The following ULK4 variants were observed in gnomAD, a reference collection of about 807,000 sequenced individuals.
The protein encoded by ULK4 is unc-51 like kinase 4.
In ULK4, 133 loss-of-function variants were observed where a neutral mutation model predicts 160.6. The observed-to-expected ratio is 0.83, with a 90% CI of 0.72 to 0.96. The LOEUF (loss-of-function observed/expected upper bound fraction) is 0.96. Ranked by LOEUF, ULK4 falls within the 40% of genes least tolerant of loss-of-function variation. The probability of loss-of-function intolerance (pLI) is 0.00; values close to 1 mark genes in which losing one functional copy is unlikely to be tolerated. For synonymous variants in ULK4, 534 were observed against 539.8 expected, an observed-to-expected ratio of 0.99 and a Z score of 0.15; for missense variants, 1,580 against 1,499.5, an observed-to-expected ratio of 1.05 and a Z score of -0.89.
intron 17 of ULK4, among the ~76,000 whole-genome samples, chr3:41,837,489 T>C (rs1397730964): frequency 1.3e-5 from 2 of 152,188 alleles, no homozygotes; most frequent in African/African-American, 4.8e-5. Flanking sequence ...GATCATACAC[T>C]ATATATTCTT....
intron 2 of ULK4, among the ~76,000 whole-genome samples, chr3:41,943,199 C>T (rs1322426926): frequency 1.4e-4 from 20 of 139,466 alleles, no homozygotes; most frequent in African/African-American, 4.8e-4. Context: ...GGCGACAGAG[C>T]GAGACTCCAT....
intron 35 of ULK4, among the ~76,000 whole-genome samples, chr3:41,296,699 G>A (rs187248886): frequency 1.3e-5 from 2 of 152,228 alleles, no homozygotes; most frequent in Admixed American, 1.3e-4. Flanking sequence ...AGGCAGAAGC[G>A]CTCTAAGATA....
Position 41,769,547 on chromosome 3 carries a change from C to T in ULK4, c.2194-15059G>A, listed in dbSNP as rs538145031. Among the ~76,000 whole-genome samples the T allele has an allele frequency of 1.5e-4, 23 of 152,244 alleles. No individual in the cohort carries two copies. In the East Asian group the frequency reaches 4.4e-3, roughly 29 times the overall value. ...GAAAAAGAGCAGAAGCCATTTAGTT[C>T]TATAACCCAAATCACAGCACAACAA... On this transcript the variant is annotated intron_variant, in intron 21 of 36. Coordinates refer to ENST00000301831, the MANE Select transcript of ULK4 (RefSeq NM_017886.4).
At chr3:41,554,940 C>G (rs1367045065) in intron 32 of ULK4, among the ~76,000 whole-genome samples, 1 of 151,912 alleles carries the variant, frequency 6.6e-6, no homozygotes, top group Admixed American at 6.6e-5. Context: ...AGAACATACA[C>G]CAAAACTGAA....
Position 41,347,164 on chromosome 3 carries a change from T to C in ULK4, c.3678+50915A>G, listed in dbSNP as rs547289419. Among the ~76,000 whole-genome samples, 97 of 152,356 alleles carry C rather than the reference T, an allele frequency of 6.4e-4. 2 individuals are homozygous for C. In the South Asian group the frequency reaches 0.019, roughly 30 times the overall value. On this transcript the variant is annotated intron_variant, in intron 35 of 36. Transcript: ENST00000301831. Reference sequence around the variant, plus strand: ...AATAAAAGTGCCGTCGCTGCAGCTCTAGCTGAGTTCAAAGGCGCATTGCAG... The same window carrying C: ...AATAAAAGTGCCGTCGCTGCAGCTCCAGCTGAGTTCAAAGGCGCATTGCAG...
chr3:41,952,414 T>C (rs1194483730), intron 2 of ULK4, among the ~76,000 whole-genome samples: 3 of 152,156 alleles, frequency 2.0e-5, no homozygotes, highest in Admixed American at 6.6e-5. Flanking sequence ...ACAAAAAGAA[T>C]AGACATTTCT....
chr3:41,579,244 T>C lies in ULK4; in HGVS notation c.3121-13114A>G, dbSNP rs183254945. Among the ~76,000 whole-genome samples the C allele has an allele frequency of 2.0e-5, 3 of 152,286 alleles. No individual in the cohort carries two copies. The East Asian group carries it at 5.8e-4, about 29-fold the overall frequency. On this transcript the variant is annotated intron_variant, in intron 31 of 36. Coordinates refer to ENST00000301831, the MANE Select transcript of ULK4 (RefSeq NM_017886.4). ...TATGTCGAAATGGCTTGATTAAATT[T>C]TCCTCATGAAAATGAAAGAGAAAAC...
rs77300916 is a variant in ULK4, at chr3:41,381,166, T to C, written c.3678+16913A>G. Among the ~76,000 whole-genome samples, 1,020 of 152,242 alleles carry C rather than the reference T, an allele frequency of 6.7e-3. 4 individuals carry two copies. The highest frequency in any genetic ancestry group is 0.015 in the East Asian group (79 of 5,182). On this transcript the variant is annotated intron_variant, in intron 35 of 36. Coordinates refer to ENST00000301831, the MANE Select transcript of ULK4 (RefSeq NM_017886.4). The stretch of plus-strand genomic sequence containing the variant: ...TGTCTTCAACACCACCTTTATCGAG[T>C]GCTTGGTCATTTCAAAGTCCATAGA...
intron 17 of ULK4, among the ~76,000 whole-genome samples, chr3:41,879,401 G>T (rs1697428059): frequency 6.6e-6 from 1 of 152,072 alleles, no homozygotes; most frequent in Non-Finnish European, 1.5e-5. Flanking sequence ...GACACAAGAT[G>T]AAACAAGATT....
intron 22 of ULK4, among the ~76,000 whole-genome samples, chr3:41,732,964 G>A (rs2037883196): frequency 6.6e-6 from 1 of 152,086 alleles, no homozygotes; most frequent in Non-Finnish European, 1.5e-5. Context: ...CTAAGGGCAG[G>A]GAGAGGGGGA....
intron 22 of ULK4, among the ~76,000 whole-genome samples, chr3:41,721,362 A>ATATATATTTT (rs1553639902): frequency 3.6e-5 from 1 of 27,934 alleles, no homozygotes; most frequent in Non-Finnish European, 5.7e-5. Context: ...ATATATATAT[A>ATATATATTTT]TTTTTTTTTT....
At chr3:41,796,669 G>A (rs1169753948) in intron 20 of ULK4, among the ~76,000 whole-genome samples, 1 of 151,970 alleles carries the variant, frequency 6.6e-6, no homozygotes, top group East Asian at 1.9e-4. Context: ...AATTCATGAG[G>A]TTTTTTCAAA....
chr3:41,453,012 T>C (rs1396990434), intron 34 of ULK4, among the ~76,000 whole-genome samples: 1 of 152,144 alleles, frequency 6.6e-6, no homozygotes, highest in Non-Finnish European at 1.5e-5. Context: ...TGAGCTCTCT[T>C]GTATTTTTAT....
At chr3:41,933,673 C>A (rs761687547) in intron 4 of ULK4, among the ~76,000 whole-genome samples, 1 of 151,576 alleles carries the variant, frequency 6.6e-6, no homozygotes, top group Non-Finnish European at 1.5e-5. Flanking sequence ...CTGCCTTGTA[C>A]AGCTATGAAC....
intron 17 of ULK4, chr3:41,854,923 G>A (rs1261470655): frequency 7.1e-6 from 1 of 140,804 alleles, no homozygotes; most frequent in East Asian, 2.2e-4. Context: ...CATCTGTTCA[G>A]TGGGCCTATA....
At chr3:41,530,460 C>T (rs936012458) in intron 32 of ULK4, among the ~76,000 whole-genome samples, 6 of 152,124 alleles carry the variant, frequency 3.9e-5, no homozygotes, top group Non-Finnish European at 7.4e-5. Context: ...ACATTGAGTG[C>T]ATTTAAGGAT....
chr3:41,808,225 T>G (rs1349710216), intron 19 of ULK4, among the ~76,000 whole-genome samples: 1 of 152,206 alleles, frequency 6.6e-6, no homozygotes, highest in Non-Finnish European at 1.5e-5. Flanking sequence ...TCTTATGAAG[T>G]TCTAAAATCT....
chr3:41,940,594 G>A (rs1408181852), intron 2 of ULK4, among the ~76,000 whole-genome samples: 1 of 152,022 alleles, frequency 6.6e-6, no homozygotes, highest in Non-Finnish European at 1.5e-5. Flanking sequence ...GGAGTTCAAG[G>A]CTGCAGTGAA....
intron 30 of ULK4, among the ~76,000 whole-genome samples, chr3:41,645,772 G>C (rs1229809905): frequency 6.6e-6 from 1 of 152,124 alleles, no homozygotes; most frequent in African/African-American, 2.4e-5. Context: ...TTGTTGATCT[G>C]TCTAATGTTG....
Sources: allele counts gnomAD v4.1 joint callset (sites outside exome capture counted in the v4.1 genomes callset), GRCh38; gene constraint gnomAD v4.1.1; transcripts MANE v1.5; gene names NCBI Gene and HGNC (gene_info 2026-07-23, HGNC 2026-07-21).